The following PCDHA5 variants were observed in gnomAD, a reference collection of about 807,000 sequenced individuals.
PCDHA5 encodes the protein protocadherin alpha-5.
In PCDHA5, 43 loss-of-function variants were observed where a neutral mutation model predicts 61.6. The observed-to-expected ratio is 0.70, with a 90% CI of 0.55 to 0.90. The LOEUF (loss-of-function observed/expected upper bound fraction) is 0.90, where lower values mean the gene tolerates loss of function less well. PCDHA5 is among the 40% of genes least tolerant of loss of function. The pLI is 0.00. For missense variants in PCDHA5, 1,298 were observed against 1,222.7 expected (o/e 1.06, Z -0.92); for synonymous variants, 627 against 543.9 (o/e 1.15, Z -2.13).
At chr5:140,910,028 T>C (rs1402911275) in intron 1 of PCDHA5, among the ~76,000 whole-genome samples, 4 of 152,222 alleles carry the variant, frequency 2.6e-5, no homozygotes, top group African/African-American at 9.6e-5. Flanking sequence ...ATCCCTGGGA[T>C]AAATCCCACT....
intron 1 of PCDHA5, among the ~76,000 whole-genome samples, chr5:140,901,961 C>T (rs62384485): frequency 2.0e-5 from 3 of 151,946 alleles, no homozygotes; most frequent in Non-Finnish European, 2.9e-5. Flanking sequence ...TCGTGGCTAT[C>T]GTAAATGGGA....
intron 1 of PCDHA5, among the ~76,000 whole-genome samples, chr5:140,895,936 G>A (rs1428112046): frequency 6.6e-6 from 1 of 151,984 alleles, no homozygotes; most frequent in Non-Finnish European, 1.5e-5. Context: ...TCAGCCTCCC[G>A]AGTAGCTGGG....
chr5:140,949,958 T>G (rs1192385409), intron 1 of PCDHA5, among the ~76,000 whole-genome samples: 1 of 151,896 alleles, frequency 6.6e-6, no homozygotes, highest in Non-Finnish European at 1.5e-5. Context: ...GTGGTTGCTG[T>G]AAGGATTACA....
At chr5:140,893,768 CT>C (rs1171880038) in intron 1 of PCDHA5, among the ~76,000 whole-genome samples, 1 of 152,132 alleles carries the variant, frequency 6.6e-6, no homozygotes, top group Non-Finnish European at 1.5e-5. Flanking sequence ...TGACTTGTCA[CT>C]TTTCTTTTAC....
At chr5:140,849,664 C>A (rs2150444192) in intron 1 of PCDHA5, 1 of 1,598,668 alleles carries the variant, frequency 6.3e-7, no homozygotes, top group African/African-American at 1.3e-5. Context: ...TGCTCCCTGA[C>A]GCCCCACGTC....
intron 1 of PCDHA5, among the ~76,000 whole-genome samples, chr5:140,906,790 C>A (rs1381392314): frequency 6.6e-6 from 1 of 152,276 alleles, no homozygotes; most frequent in South Asian, 2.1e-4. Flanking sequence ...TTGTGTATTC[C>A]ATGCATACTC....
intron 1 of PCDHA5, chr5:140,875,959 G>C (rs1448292250): frequency 5.0e-6 from 8 of 1,614,070 alleles, no homozygotes; most frequent in South Asian, 2.2e-5. Context: ...TGCGGATATC[G>C]GCGTAAACTC....
intron 1 of PCDHA5, chr5:140,829,380 G>C (rs1554131916): frequency 2.5e-6 from 4 of 1,613,994 alleles, no homozygotes; most frequent in Non-Finnish European, 3.4e-6. Context: ...GCGCGGGACG[G>C]GGGCTCGCCT....
intron 1 of PCDHA5, chr5:140,862,689 C>A: frequency 7.2e-6 from 4 of 554,298 alleles, no homozygotes; most frequent in South Asian, 4.1e-5. Context: ...TGGTGTCCTA[C>A]TCGTTGATGG....
At chr5:140,850,218 G>A (rs2150473987) in intron 1 of PCDHA5, 3 of 1,593,686 alleles carry the variant, frequency 1.9e-6, no homozygotes, top group African/African-American at 1.3e-5. Flanking sequence ...GGGCACTGAC[G>A]GCGCAGTGAG....
intron 1 of PCDHA5, chr5:140,928,053 G>C: frequency 6.2e-7 from 1 of 1,614,212 alleles, no homozygotes; most frequent in Non-Finnish European, 8.5e-7. Context: ...CTTTTCAGCT[G>C]ACGGCTTCCT....
chr5:141,002,656 C>T lies in PCDHA5; in HGVS notation c.2501-6971C>T, dbSNP rs115710244. Among the ~76,000 whole-genome samples the T allele has an allele frequency of 3.7e-3, 571 of 152,302 alleles. 5 individuals are homozygous for T. The highest frequency in any genetic ancestry group is 0.013 in the African/African-American group (539 of 41,574). On this transcript the variant is annotated intron_variant, in intron 3 of 3. Coordinates refer to ENST00000529859, the MANE Select transcript of PCDHA5 (RefSeq NM_018908.3). The stretch of plus-strand genomic sequence containing the variant: ...CTAGAAATGTCTACTTCATAGGGCT[C>T]TTGTCAGGACCAAAACCTATACGAC...
intron 1 of PCDHA5, among the ~76,000 whole-genome samples, chr5:140,900,826 A>G (rs1554189460): frequency 2.0e-5 from 3 of 152,224 alleles, no homozygotes. Flanking sequence ...CATTCCCACC[A>G]ACAATGTACA....
intron 1 of PCDHA5, among the ~76,000 whole-genome samples, chr5:140,934,797 T>G (rs1045887352): frequency 2.4e-4 from 36 of 152,236 alleles, no homozygotes; most frequent in Admixed American, 1.4e-3. Context: ...CAATTATCTT[T>G]TTAATGATCA....
chr5:140,843,339 G>A (rs2150357830), intron 1 of PCDHA5: 2 of 1,596,042 alleles, frequency 1.3e-6, no homozygotes, highest in Admixed American at 1.7e-5. Flanking sequence ...GTGGAGAGCG[G>A]CCAGGCTCCA....
At position 140,917,315 on chromosome 5, in the gene PCDHA5, T is replaced by C. The variant is rs1015690007; in HGVS notation, c.2353-61634T>C. Among the ~76,000 whole-genome samples, 5 of 128,328 alleles carry C rather than the reference T, an allele frequency of 3.9e-5. No homozygotes were observed. In the East Asian group the frequency reaches 1.3e-3, roughly 32 times the overall value. 84.2% of individuals were successfully genotyped at this position (128,328 alleles called of 152,430 possible). A position where few individuals can be genotyped will look rare whatever the true frequency, so the allele number is the denominator to read the frequency against. On this transcript the variant is annotated intron_variant, in intron 1 of 3. Coordinates refer to ENST00000529859, the MANE Select transcript of PCDHA5 (RefSeq NM_018908.3). Reference sequence around the variant, plus strand: ...TGCAGATAGTTGTTACAATTTGGTGTTCATGTGGCGGGGGAGGGGGGGGAT... The same window carrying C: ...TGCAGATAGTTGTTACAATTTGGTGCTCATGTGGCGGGGGAGGGGGGGGAT...
At chr5:140,916,539 A>G (rs114063131) in intron 1 of PCDHA5, among the ~76,000 whole-genome samples, 1,727 of 152,262 alleles carry the variant, frequency 0.011, 30 homozygotes, top group African/African-American at 0.038. Context: ...CACCAAGGCA[A>G]TGGGTTTTCT....
intron 1 of PCDHA5, among the ~76,000 whole-genome samples, chr5:140,956,211 T>C (rs908749043): frequency 6.6e-6 from 1 of 152,198 alleles, no homozygotes; most frequent in African/African-American, 2.4e-5. Context: ...AAAGAGGGCA[T>C]CCTTGTCTTG....
chr5:140,835,847 G>T (rs140727991), intron 1 of PCDHA5: 20 of 1,612,344 alleles, frequency 1.2e-5, no homozygotes, highest in Admixed American at 1.7e-5. Flanking sequence ...AGAAGAACGC[G>T]CTGGTGTCCT....
Sources: allele counts gnomAD v4.1 joint callset (sites outside exome capture counted in the v4.1 genomes callset), GRCh38; gene constraint gnomAD v4.1.1; transcripts MANE v1.5; gene names NCBI Gene and HGNC (gene_info 2026-07-23, HGNC 2026-07-21).